Variants in HTT-AS observed in about 807,000 individuals in gnomAD.
The protein encoded by HTT-AS is HTT antisense RNA.
intron 2 of HTT-AS, among the ~76,000 whole-genome samples, chr4:3,055,136 C>G (rs1325013862): frequency 1.3e-5 from 2 of 151,852 alleles, no homozygotes; most frequent in Admixed American, 1.3e-4. Context: ...ATCACGAGGT[C>G]AGGAGATCGA....
At chr4:3,050,743 A>G (rs952984419) in intron 2 of HTT-AS, among the ~76,000 whole-genome samples, 1 of 152,202 alleles carries the variant, frequency 6.6e-6, no homozygotes, top group Non-Finnish European at 1.5e-5. Flanking sequence ...TGGAACATAT[A>G]TTAATATCAT....
At chr4:3,054,838 T>C (rs983938401) in intron 2 of HTT-AS, among the ~76,000 whole-genome samples, 6 of 151,776 alleles carry the variant, frequency 4.0e-5, no homozygotes, top group African/African-American at 1.5e-4. Flanking sequence ...CCTCAGCCTC[T>C]GGAGTAGCTG....
chr4:3,072,447 G>A (rs1003569092), intron 1 of HTT-AS, among the ~76,000 whole-genome samples: 14 of 152,312 alleles, frequency 9.2e-5, no homozygotes, highest in Middle Eastern at 3.4e-3. Context: ...TTTGCCCATT[G>A]GTTAGAAGCA....
At chr4:3,052,410 C>G (rs924704699) in intron 2 of HTT-AS, among the ~76,000 whole-genome samples, 8 of 152,104 alleles carry the variant, frequency 5.3e-5, no homozygotes, top group Non-Finnish European at 1.2e-4. Flanking sequence ...CAGCCTGGGA[C>G]TCCTTGGGAA....
chr4:3,058,908 T>C (rs915571070), intron 2 of HTT-AS, among the ~76,000 whole-genome samples: 1 of 152,036 alleles, frequency 6.6e-6, no homozygotes, highest in Non-Finnish European at 1.5e-5. Flanking sequence ...TTAGTAGAGA[T>C]GGGGTTTCCC....
intron 1 of HTT-AS, among the ~76,000 whole-genome samples, chr4:3,065,009 T>C (rs1280864238): frequency 6.6e-6 from 1 of 152,150 alleles, no homozygotes; most frequent in African/African-American, 2.4e-5. Flanking sequence ...CACAATATAA[T>C]AGATCATGTG....
intron 1 of HTT-AS, among the ~76,000 whole-genome samples, chr4:3,067,941 A>T (rs928503268): frequency 2.6e-5 from 4 of 152,204 alleles, no homozygotes; most frequent in Admixed American, 6.5e-5. Context: ...AGCCAGATTT[A>T]AAAAATGGCA....
chr4:3,060,549 G>A (rs138007554), intron 2 of HTT-AS, among the ~76,000 whole-genome samples: 145 of 152,286 alleles, frequency 9.5e-4, no homozygotes, highest in African/African-American at 3.2e-3. Context: ...AGATACTGAG[G>A]GTAAGAAAGT....
chr4:3,069,216 G>A, intron 1 of HTT-AS, among the ~76,000 whole-genome samples: 1 of 151,542 alleles, frequency 6.6e-6, no homozygotes. Flanking sequence ...TGTGATCTTG[G>A]CTCACTGCAA....
intron 2 of HTT-AS, among the ~76,000 whole-genome samples, chr4:3,051,947 T>C (rs1711711756): frequency 6.6e-6 from 1 of 152,214 alleles, no homozygotes; most frequent in Non-Finnish European, 1.5e-5. Context: ...AGTTTGACCT[T>C]GTAACCATGT....
At chr4:3,057,211 C>A (rs565940684) in intron 2 of HTT-AS, among the ~76,000 whole-genome samples, 2 of 152,044 alleles carry the variant, frequency 1.3e-5, no homozygotes, top group Admixed American at 6.5e-5. Context: ...TTTTTTGTAT[C>A]TTTAGTAGAG....
At chr4:3,050,247 A>G (rs1200933160) in intron 2 of HTT-AS, among the ~76,000 whole-genome samples, 1 of 152,210 alleles carries the variant, frequency 6.6e-6, no homozygotes, top group African/African-American at 2.4e-5. Flanking sequence ...CGGATAACTG[A>G]TGGGTTATCA....
chr4:3,056,151 GCTTTA>G (rs1436512497), intron 2 of HTT-AS, among the ~76,000 whole-genome samples: 1 of 152,172 alleles, frequency 6.6e-6, no homozygotes, highest in Non-Finnish European at 1.5e-5. Context: ...GTCATTAGAA[GCTTTA>G]CTTTGGATCC....
chr4:3,049,955 C>CT (rs59444704), intron 2 of HTT-AS, among the ~76,000 whole-genome samples: 3,113 of 130,320 alleles, frequency 0.024, 60 homozygotes, highest in South Asian at 0.059. Context: ...CACATATACA[C>CT]TTTTTTTTTT....
intron 1 of HTT-AS, among the ~76,000 whole-genome samples, chr4:3,064,473 C>T (rs1047939123): frequency 2.6e-5 from 4 of 151,844 alleles, no homozygotes; most frequent in South Asian, 4.2e-4. Context: ...TAAAAATACA[C>T]AAAAATTAAT....
At chr4:3,047,846 A>T (rs1711623940), downstream of HTT-AS, among the ~76,000 whole-genome samples, 1 of 152,240 alleles carries the variant, frequency 6.6e-6, no homozygotes, top group Non-Finnish European at 1.5e-5. Flanking sequence ...TCTAGATAGC[A>T]GTAGCAGAAT....
intron 1 of HTT-AS, among the ~76,000 whole-genome samples, chr4:3,064,774 A>G (rs7688282): frequency 0.067 from 10,140 of 152,272 alleles, 427 homozygotes; most frequent in African/African-American, 0.12. Context: ...TCCAGACTCT[A>G]GAAAAACAAA....
At position 3,065,974 on chromosome 4, in the gene HTT-AS, G is replaced by A. The variant is rs184238761; in HGVS notation, n.114-2274C>T. Among the ~76,000 whole-genome samples, 172 of 152,300 alleles carry A rather than the reference G, an allele frequency of 1.1e-3. 2 individuals carry two copies. Among genetic ancestry groups the A allele is most frequent in the Middle Eastern group, 3.4e-3 (1 of 294 alleles). ...AGGAACTTCCATGTACATTGATGAC[G>A]GACGATAGAATCCGTTTCTATCATC... On this transcript the variant is annotated intron_variant and non_coding_transcript_variant, in intron 1 of 2. Coordinates refer to ENST00000664062, the Ensembl canonical transcript of HTT-AS.
At chr4:3,047,662 A>G (rs2110119239), downstream of HTT-AS, among the ~76,000 whole-genome samples, 3 of 152,198 alleles carry the variant, frequency 2.0e-5, no homozygotes, top group Middle Eastern at 0.01. Flanking sequence ...GCCAGGGGAG[A>G]GGGGCGGAGG....
Sources: gnomAD v4.1 joint callset for allele counts (sites outside exome capture counted in the v4.1 genomes callset) on GRCh38, gnomAD v4.1.1 for gene constraint, MANE v1.5 for transcripts, NCBI Gene and HGNC (gene_info 2026-07-23, HGNC 2026-07-21) for gene names.